OSBPL9: variants seen among roughly 807,000 people sequenced by gnomAD.
OSBPL9 encodes the protein oxysterol-binding protein-related protein 9.
A neutral mutation model predicts 106.6 loss-of-function variants in OSBPL9; 40 were observed. The observed-to-expected ratio is 0.38, with a 90% CI of 0.29 to 0.49. The LOEUF (loss-of-function observed/expected upper bound fraction) is 0.49, where lower values mean the gene tolerates loss of function less well. Among genes scored for constraint, OSBPL9 ranks in the 20% least tolerant of loss-of-function variants. The probability of loss-of-function intolerance (pLI) is 0.97; values close to 1 mark genes in which losing one functional copy is unlikely to be tolerated. For missense variants in OSBPL9, 609 were observed against 887.2 expected, an observed-to-expected ratio of 0.69 and a Z score of 3.98; for synonymous variants, 269 against 295.4, an observed-to-expected ratio of 0.91 and a Z score of 0.92.
At chr1:51,544,730 G>T in the OSBPL9 span, among the ~76,000 whole-genome samples, 1 of 149,598 alleles carries the variant, frequency 6.7e-6, no homozygotes, top group African/African-American at 2.5e-5. Flanking sequence ...ATGGAGGATA[G>T]AACTAAATCT....
upstream of OSBPL9, among the ~76,000 whole-genome samples, chr1:51,612,706 C>T (rs1055886297): frequency 1.3e-5 from 2 of 152,140 alleles, no homozygotes; most frequent in Admixed American, 1.3e-4. Context: ...GCCTGGTGAC[C>T]CTGATGAAAG....
At chr1:51,746,666 A>G in intron 5 of OSBPL9, 44 bp from the exon 6 acceptor site, 1 of 1,407,968 alleles carries the variant, frequency 7.1e-7, no homozygotes, top group South Asian at 1.2e-5. Flanking sequence ...TACATCGTAT[A>G]GTAAAGTGGC....
intron 8 of OSBPL9, 56 bp from the exon 9 acceptor site, chr1:51,756,264 C>T: frequency 7.0e-7 from 1 of 1,434,178 alleles, no homozygotes; most frequent in South Asian, 1.2e-5. Context: ...GAGAAATACA[C>T]AAGGAGTTAC....
intron 3 of OSBPL9, among the ~76,000 whole-genome samples, chr1:51,700,723 T>C (rs921360334): frequency 1.3e-5 from 2 of 152,234 alleles, no homozygotes; most frequent in African/African-American, 4.8e-5. Flanking sequence ...TAAGATAGTG[T>C]ACCAGATTTT....
intron 4 of OSBPL9, among the ~76,000 whole-genome samples, chr1:51,733,332 A>G (rs1664889660): frequency 6.6e-6 from 1 of 152,206 alleles, no homozygotes; most frequent in South Asian, 2.1e-4. Context: ...TGTGACGATA[A>G]TAGCTTAAGT....
intron 3 of OSBPL9, among the ~76,000 whole-genome samples, chr1:51,688,479 T>C (rs375492177): frequency 7.2e-5 from 11 of 152,100 alleles, no homozygotes; most frequent in African/African-American, 2.7e-4. Flanking sequence ...TACCAGGGCA[T>C]GGTGTTATGC....
At chr1:51,574,124 A>C (rs1303138815), upstream of OSBPL9, 2 of 152,232 alleles carry the variant, frequency 1.3e-5, no homozygotes, top group African/African-American at 4.8e-5. Context: ...ACTTACAGGA[A>C]CGGTAAAGGT....
At chr1:51,784,672 AAG>A in intron 20 of OSBPL9, 90 bp downstream of exon 20, 1 of 1,420,670 alleles carries the variant, frequency 7.0e-7, no homozygotes. Context: ...AGGAGTGTGA[AAG>A]AATGGTTCTG....
At chr1:51,711,422 G>A (rs1426432927) in intron 3 of OSBPL9, among the ~76,000 whole-genome samples, 2 of 140,630 alleles carry the variant, frequency 1.4e-5, no homozygotes, top group South Asian at 2.3e-4. Context: ...GGGTAGAGGC[G>A]CCCCTCACCT....
intron 2 of OSBPL9, among the ~76,000 whole-genome samples, chr1:51,604,987 A>G (rs1643935488): frequency 6.6e-6 from 1 of 152,192 alleles, no homozygotes; most frequent in African/African-American, 2.4e-5. Flanking sequence ...TTTTATTGGA[A>G]CACAGCCATG....
intron 1 of OSBPL9, chr1:51,577,259 G>A (rs1044210961): frequency 1.3e-5 from 2 of 151,834 alleles, no homozygotes; most frequent in African/African-American, 2.4e-5. Context: ...GCAGAATCGT[G>A]AGCCAATTAA....
intron 1 of OSBPL9, among the ~76,000 whole-genome samples, chr1:51,590,032 CAAAAAAAA>C (rs941103745): frequency 4.6e-4 from 23 of 50,288 alleles, no homozygotes; most frequent in African/African-American, 7.0e-4. Context: ...GACTCCGTCT[CAAAAAAAA>C]AAAAAAAAAA....
chr1:51,596,745 A>C (rs1363512287), intron 1 of OSBPL9, among the ~76,000 whole-genome samples: 1 of 151,980 alleles, frequency 6.6e-6, no homozygotes, highest in African/African-American at 2.4e-5. Context: ...GTGCCACTGC[A>C]CTCCATCCTG....
At chr1:51,632,783 C>T (rs1332136449) in intron 1 of OSBPL9, among the ~76,000 whole-genome samples, 1 of 151,984 alleles carries the variant, frequency 6.6e-6, no homozygotes, top group African/African-American at 2.4e-5. Flanking sequence ...TAGGGTCTAC[C>T]TTGGAATTTT....
chr1:51,721,352 A>G (rs1662095271), intron 4 of OSBPL9, among the ~76,000 whole-genome samples: 2 of 152,182 alleles, frequency 1.3e-5, no homozygotes, highest in Non-Finnish European at 2.9e-5. Context: ...GGGTGGTCCA[A>G]TTACTTTTGC....
At chr1:51,617,696 A>G (rs1428201816) in intron 1 of OSBPL9, among the ~76,000 whole-genome samples, 2 of 152,140 alleles carry the variant, frequency 1.3e-5, no homozygotes, top group African/African-American at 4.8e-5. Context: ...AGGAGCCGGG[A>G]CAGGTCCAAA....
chr1:51,666,540 A>G (rs563648114), intron 2 of OSBPL9, among the ~76,000 whole-genome samples: 87 of 152,362 alleles, frequency 5.7e-4, no homozygotes, highest in African/African-American at 2.0e-3. Context: ...CAGTACAAAT[A>G]CAGAACATTT....
chr1:51,525,984 C>A, the OSBPL9 span, among the ~76,000 whole-genome samples: 1 of 152,126 alleles, frequency 6.6e-6, no homozygotes, highest in South Asian at 2.1e-4. Context: ...TCAGTTGATC[C>A]TCCTACCTCA....
intron 1 of OSBPL9, among the ~76,000 whole-genome samples, chr1:51,596,148 C>G (rs553081156): frequency 6.7e-6 from 1 of 149,616 alleles, no homozygotes; most frequent in South Asian, 2.1e-4. Flanking sequence ...ATCCCAGCTA[C>G]TTGGGGAGGC....
Sources: allele counts gnomAD v4.1 joint callset (sites outside exome capture counted in the v4.1 genomes callset), GRCh38; gene constraint gnomAD v4.1.1; transcripts MANE v1.5; gene names NCBI Gene and HGNC (gene_info 2026-07-23, HGNC 2026-07-21).